The following C12orf42 variants were observed in gnomAD, a reference collection of about 807,000 sequenced individuals.
The protein encoded by C12orf42 is chromosome 12 open reading frame 42.
In C12orf42, 25 loss-of-function variants were observed where a neutral mutation model predicts 21.6. That is an observed-to-expected ratio of 1.16 (90% CI 0.84 to 1.62). The LOEUF (loss-of-function observed/expected upper bound fraction) is 1.62. Among genes scored for constraint, C12orf42 ranks in the 40% most tolerant of loss-of-function variants. The pLI is 0.00. For synonymous variants in C12orf42, 174 were observed against 175.0 expected, an observed-to-expected ratio of 0.99 and a Z score of 0.05; for missense variants, 483 against 459.3, an observed-to-expected ratio of 1.05 and a Z score of -0.47.
At chr12:103,527,230 T>A in the C12orf42 span, among the ~76,000 whole-genome samples, 19 of 152,292 alleles carry the variant, frequency 1.2e-4, 1 homozygote, top group Middle Eastern at 0.01. Context: ...CATGAACATG[T>A]CTGTGCTTGA....
At chr12:103,144,930 AT>A in the C12orf42 span, among the ~76,000 whole-genome samples, 1 of 152,096 alleles carries the variant, frequency 6.6e-6, no homozygotes, top group Non-Finnish European at 1.5e-5. Flanking sequence ...CTTTTATATC[AT>A]TGTGTCCTTC....
the C12orf42 span, among the ~76,000 whole-genome samples, chr12:103,137,132 G>T: frequency 2.0e-5 from 3 of 152,030 alleles, no homozygotes; most frequent in African/African-American, 7.2e-5. Context: ...TTCATTCAAG[G>T]AACTAATATT....
chr12:103,298,618 T>A (rs1405297043), downstream of C12orf42, among the ~76,000 whole-genome samples: 1 of 152,040 alleles, frequency 6.6e-6, no homozygotes, highest in Non-Finnish European at 1.5e-5. Context: ...TAATCCCAAT[T>A]TAACAGCGAA....
downstream of C12orf42, among the ~76,000 whole-genome samples, chr12:103,297,341 G>A (rs936303850): frequency 5.3e-5 from 8 of 152,024 alleles, no homozygotes; most frequent in African/African-American, 1.4e-4. Context: ...TTGGCAATGC[G>A]GGCTCTTTTT....
intron 10 of C12orf42, among the ~76,000 whole-genome samples, chr12:103,256,611 C>T (rs766548157): frequency 6.6e-6 from 1 of 152,032 alleles, no homozygotes; most frequent in Non-Finnish European, 1.5e-5. Context: ...TCTCCTAATA[C>T]CAAGTGAGTT....
chr12:103,221,494 T>A, the C12orf42 span, among the ~76,000 whole-genome samples: 8 of 152,352 alleles, frequency 5.3e-5, no homozygotes, highest in Middle Eastern at 3.4e-3. Context: ...TAATCTTTTT[T>A]AAAAAGCAAT....
chr12:103,172,919 GT>G, the C12orf42 span, among the ~76,000 whole-genome samples: 1 of 152,058 alleles, frequency 6.6e-6, no homozygotes, highest in Non-Finnish European at 1.5e-5. Flanking sequence ...CCAGAGATTT[GT>G]TTGTTTTGTT....
the C12orf42 span, among the ~76,000 whole-genome samples, chr12:103,192,871 A>G: frequency 7.7e-6 from 1 of 129,822 alleles, no homozygotes; most frequent in Non-Finnish European, 1.8e-5. Context: ...GCTGACTTAA[A>G]CTACACTGTA....
intron 1 of C12orf42, among the ~76,000 whole-genome samples, chr12:103,478,801 A>G (rs1312352047): frequency 6.6e-6 from 1 of 152,078 alleles, no homozygotes; most frequent in East Asian, 1.9e-4. Flanking sequence ...TTGCACTGTA[A>G]TGATGTCTTT....
chr12:103,554,705 C>G, the C12orf42 span, among the ~76,000 whole-genome samples: 10 of 152,034 alleles, frequency 6.6e-5, 1 homozygote, highest in African/African-American at 2.4e-4. Flanking sequence ...TTTCAAATGT[C>G]CAGCAAGAAA....
At chr12:103,446,964 A>G (rs923966694) in intron 2 of C12orf42, among the ~76,000 whole-genome samples, 1 of 152,048 alleles carries the variant, frequency 6.6e-6, no homozygotes. Context: ...CAAGACAGAA[A>G]GTCAACAAAG....
chr12:103,455,472 G>C (rs1328286776), intron 2 of C12orf42, among the ~76,000 whole-genome samples: 9 of 152,044 alleles, frequency 5.9e-5, no homozygotes, highest in Admixed American at 5.9e-4. Context: ...TTCATTCTCT[G>C]ATCTCTTAGG....
the C12orf42 span, among the ~76,000 whole-genome samples, chr12:103,229,308 A>G: frequency 2.6e-5 from 4 of 152,212 alleles, no homozygotes; most frequent in Non-Finnish European, 5.9e-5. Context: ...ATTATTTCAC[A>G]TAGCAGGAAG....
At chr12:103,231,715 A>C in the C12orf42 span, among the ~76,000 whole-genome samples, 10 of 152,190 alleles carry the variant, frequency 6.6e-5, no homozygotes, top group Admixed American at 3.3e-4. Context: ...TCATCTACTG[A>C]AAAATAACTT....
At chr12:103,290,893 G>T (rs187880116) in intron 4 of C12orf42, among the ~76,000 whole-genome samples, 73 of 152,122 alleles carry the variant, frequency 4.8e-4, no homozygotes, top group African/African-American at 1.7e-3. Context: ...GGGTGGGAGG[G>T]GGGTGAGGGA....
intron 3 of C12orf42, among the ~76,000 whole-genome samples, chr12:103,379,831 T>C (rs2046012544): frequency 6.6e-6 from 1 of 152,228 alleles, no homozygotes; most frequent in Admixed American, 6.5e-5. Flanking sequence ...TTCAGATTTG[T>C]GTTTCTGTTC....
chr12:103,334,549 A>G (rs548926757), intron 4 of C12orf42, among the ~76,000 whole-genome samples: 1 of 152,284 alleles, frequency 6.6e-6, no homozygotes, highest in African/African-American at 2.4e-5. Flanking sequence ...TCCTCTGAGT[A>G]CAATTCCCCA....
At chr12:103,139,436 A>G in the C12orf42 span, among the ~76,000 whole-genome samples, 2 of 152,048 alleles carry the variant, frequency 1.3e-5, no homozygotes, top group Non-Finnish European at 2.9e-5. Context: ...TTGAGCACAG[A>G]CAGAATCATC....
the C12orf42 span, among the ~76,000 whole-genome samples, chr12:103,560,540 C>A: frequency 2.0e-5 from 3 of 152,208 alleles, no homozygotes; most frequent in African/African-American, 7.2e-5. Flanking sequence ...AAGCAAAATT[C>A]ATGTATAAGT....
Sources: gnomAD v4.1 joint callset for allele counts (sites outside exome capture counted in the v4.1 genomes callset) on GRCh38, gnomAD v4.1.1 for gene constraint, MANE v1.5 for transcripts, NCBI Gene and HGNC (gene_info 2026-07-23, HGNC 2026-07-21) for gene names.